TNFAIP8: variants seen among roughly 807,000 people sequenced by gnomAD.
TNFAIP8 encodes the protein tumor necrosis factor alpha-induced protein 8.
Under a neutral mutation model 13.3 loss-of-function variants are expected in TNFAIP8, and 7 were observed. That is an observed-to-expected ratio of 0.52 (90% CI 0.30 to 0.99). The LOEUF (loss-of-function observed/expected upper bound fraction) is 0.99. TNFAIP8 is among the 50% of genes least tolerant of loss of function. The probability of loss-of-function intolerance (pLI) is 0.07; values close to 1 mark genes in which losing one functional copy is unlikely to be tolerated. For missense variants in TNFAIP8, 258 were observed against 236.9 expected, an observed-to-expected ratio of 1.09 and a Z score of -0.58; for synonymous variants, 94 against 87.6, an observed-to-expected ratio of 1.07 and a Z score of -0.41.
intron 1 of TNFAIP8, among the ~76,000 whole-genome samples, chr5:119,374,547 T>C (rs1028246796): frequency 1.3e-5 from 2 of 152,210 alleles, no homozygotes; most frequent in East Asian, 1.9e-4. Flanking sequence ...GGGGGTCCTG[T>C]TGAAGAGTCA....
intron 1 of TNFAIP8, among the ~76,000 whole-genome samples, chr5:119,297,207 A>G (rs919882241): frequency 3.3e-5 from 5 of 151,848 alleles, no homozygotes; most frequent in Non-Finnish European, 7.4e-5. Context: ...TAGGGTGGCA[A>G]TTTTGGATCT....
At chr5:119,391,520 G>C in intron 1 of TNFAIP8, 1 of 676,964 alleles carries the variant, frequency 1.5e-6, no homozygotes, top group Non-Finnish European at 2.7e-6. Flanking sequence ...AGCACTTTGG[G>C]AGGCTGAGAT....
intron 1 of TNFAIP8, among the ~76,000 whole-genome samples, chr5:119,335,421 G>A (rs1440673366): frequency 6.6e-6 from 1 of 152,126 alleles, no homozygotes; most frequent in Non-Finnish European, 1.5e-5. Context: ...AAGGTATGGA[G>A]CGAGCAGGAA....
At chr5:119,286,775 T>G (rs1471023140) in intron 1 of TNFAIP8, among the ~76,000 whole-genome samples, 1 of 152,216 alleles carries the variant, frequency 6.6e-6, no homozygotes, top group East Asian at 1.9e-4. Context: ...AAAGGTGAAC[T>G]GCATGCTGTG....
At chr5:119,320,644 T>A (rs1262785139) in intron 1 of TNFAIP8, among the ~76,000 whole-genome samples, 1 of 152,224 alleles carries the variant, frequency 6.6e-6, no homozygotes, top group East Asian at 1.9e-4. Context: ...TCAGTAGTAG[T>A]TGGCATCATC....
intron 1 of TNFAIP8, among the ~76,000 whole-genome samples, chr5:119,320,688 T>C (rs1385212322): frequency 1.3e-5 from 2 of 152,126 alleles, no homozygotes; most frequent in Non-Finnish European, 2.9e-5. Context: ...TTTTGTAGTA[T>C]GACCTTGTAA....
At chr5:119,287,677 A>C (rs146128365) in intron 1 of TNFAIP8, among the ~76,000 whole-genome samples, 107 of 152,256 alleles carry the variant, frequency 7.0e-4, no homozygotes, top group Non-Finnish European at 1.4e-3. Flanking sequence ...TGTTATCTCT[A>C]GAACTCATCT....
intron 1 of TNFAIP8, among the ~76,000 whole-genome samples, chr5:119,278,318 G>C (rs989986631): frequency 1.3e-5 from 2 of 149,768 alleles, no homozygotes; most frequent in Non-Finnish European, 3.0e-5. Flanking sequence ...AGGTATCACA[G>C]GTTCCTGCCA....
rs998448572 is a variant in TNFAIP8, at chr5:119,309,447, T to TCACAGGGGCAGCTGC, written c.1+40555_1+40569dup. Among the ~76,000 whole-genome samples the TCACAGGGGCAGCTGC allele has an allele frequency of 1.6e-3, 247 of 152,284 alleles. 2 individuals carry two copies. Among genetic ancestry groups the TCACAGGGGCAGCTGC allele is most frequent in the South Asian group, 3.9e-3 (19 of 4,830 alleles). On this transcript the variant is annotated intron_variant, in intron 1 of 1. Coordinates refer to the TNFAIP8 transcript ENST00000274456. ...GAAAGCTTGAGGGTGGTGATGCTTG[T>TCACAGGGGCAGCTGC]CACAGGGGCAGCTGCCACAGGGGCA...
At chr5:119,351,791 T>TTTC (rs1562013192), upstream of TNFAIP8, among the ~76,000 whole-genome samples, 1 of 143,780 alleles carries the variant, frequency 7.0e-6, no homozygotes, top group African/African-American at 2.7e-5. Context: ...TCTTTTTCTT[T>TTTC]TTTTCTTTTT....
intron 1 of TNFAIP8, among the ~76,000 whole-genome samples, chr5:119,335,773 A>G (rs1467699440): frequency 2.6e-5 from 4 of 152,040 alleles, no homozygotes; most frequent in African/African-American, 9.7e-5. Context: ...GGTGTGGGCA[A>G]TAAACATCAA....
intron 1 of TNFAIP8, among the ~76,000 whole-genome samples, chr5:119,309,276 C>T (rs1487071916): frequency 6.6e-6 from 1 of 152,196 alleles, no homozygotes; most frequent in African/African-American, 2.4e-5. Flanking sequence ...GCCTCTGCAT[C>T]TCTGAATGGA....
intron 1 of TNFAIP8, among the ~76,000 whole-genome samples, chr5:119,368,113 C>T (rs1057242427): frequency 6.6e-6 from 1 of 152,168 alleles, no homozygotes; most frequent in East Asian, 1.9e-4. Flanking sequence ...GCCAGGTACA[C>T]TACATGACTT....
chr5:119,306,351 G>A (rs1339322633), intron 1 of TNFAIP8: 1 of 140,252 alleles, frequency 7.1e-6, no homozygotes, highest in East Asian at 2.0e-4. Context: ...CCAAGATGGG[G>A]TGTCTCTATG....
At chr5:119,354,984 A>G (rs1385474848), upstream of TNFAIP8, 1 of 208,486 alleles carries the variant, frequency 4.8e-6, no homozygotes, top group African/African-American at 2.3e-5. Context: ...TGGCGATAAA[A>G]CAAGTGTTCT....
At chr5:119,355,274 G>A, upstream of TNFAIP8, 1 of 700,600 alleles carries the variant, frequency 1.4e-6, no homozygotes, top group African/African-American at 1.7e-5. Flanking sequence ...CTCTCCCCCT[G>A]AGGAAGGCCC....
chr5:119,373,161 C>T (rs1191481005), intron 1 of TNFAIP8, among the ~76,000 whole-genome samples: 7 of 152,120 alleles, frequency 4.6e-5, no homozygotes, highest in African/African-American at 1.7e-4. Flanking sequence ...CCATACCCAA[C>T]CCCTTTTCGA....
At chr5:119,357,934 T>C (rs1751494922) in intron 1 of TNFAIP8, among the ~76,000 whole-genome samples, 1 of 151,948 alleles carries the variant, frequency 6.6e-6, no homozygotes. Context: ...GAAGGATAGG[T>C]GTCTGTGTGT....
At chr5:119,383,436 T>G (rs1439901156) in intron 1 of TNFAIP8, among the ~76,000 whole-genome samples, 9 of 152,254 alleles carry the variant, frequency 5.9e-5, no homozygotes, top group Non-Finnish European at 1.3e-4. Context: ...ACATACTTGC[T>G]ACCTTCTCAT....
Sources: allele counts gnomAD v4.1 joint callset (sites outside exome capture counted in the v4.1 genomes callset), GRCh38; gene constraint gnomAD v4.1.1; transcripts MANE v1.5; gene names NCBI Gene and HGNC (gene_info 2026-07-23, HGNC 2026-07-21).